DSCAM: variants seen among roughly 807,000 people sequenced by gnomAD.
DSCAM encodes the protein DS cell adhesion molecule.
Under a neutral mutation model 217.7 loss-of-function variants are expected in DSCAM, and 47 were observed. The observed-to-expected ratio is 0.22, with a 90% CI of 0.17 to 0.28. The LOEUF is 0.28. DSCAM is among the 10% of genes least tolerant of loss of function. The pLI is 1.00. For synonymous variants in DSCAM, 1,056 were observed against 1,015.3 expected (o/e 1.04, Z -0.76); for missense variants, 2,080 against 2,618.3 (o/e 0.79, Z 4.49).
chr21:40,752,445 G>A (rs747716771), intron 1 of DSCAM, among the ~76,000 whole-genome samples: 62 of 152,162 alleles, frequency 4.1e-4, no homozygotes, highest in Non-Finnish European at 7.1e-4. Flanking sequence ...ACTGACCTGT[G>A]TCTCCACTAA....
chr21:40,754,508 C>T (rs1390247853), intron 1 of DSCAM, among the ~76,000 whole-genome samples: 2 of 152,190 alleles, frequency 1.3e-5, no homozygotes, highest in African/African-American at 4.8e-5. Flanking sequence ...GCAGCTTCAT[C>T]TCTTGGAGAC....
chr21:40,222,425 T>G (rs546933440), intron 11 of DSCAM, among the ~76,000 whole-genome samples: 2 of 152,342 alleles, frequency 1.3e-5, no homozygotes, highest in East Asian at 3.9e-4. Context: ...TGGTTCTGCA[T>G]GGGAATTAAT....
intron 3 of DSCAM, among the ~76,000 whole-genome samples, chr21:40,687,045 C>A (rs562584284): frequency 6.6e-6 from 1 of 152,086 alleles, no homozygotes; most frequent in Non-Finnish European, 1.5e-5. Flanking sequence ...CTGATGTGCA[C>A]GTTCTGAGCT....
rs142522668 is a variant in DSCAM at position 40,339,019 on chromosome 21, C to G, written c.1507+100G>C. The G allele has an allele frequency of 1.2e-3, 1,650 of 1,426,814 alleles. 4 individuals are homozygous for G. The highest frequency in any genetic ancestry group is 1.3e-3 in the Non-Finnish European group (1,383 of 1,045,072). 88.4% of individuals were successfully genotyped at this position (1,426,814 alleles called of 1,614,324 possible). The stretch of plus-strand genomic sequence containing the variant: ...AGGAAATGGGAAGCAACAGTTAATC[C>G]GCTCTGGCATTCCAAGACCCAGCTC... On this transcript the variant is annotated intron_variant, in intron 7 of 32. Transcript: ENST00000400454.
chr21:40,789,153 C>T (rs985834355), intron 1 of DSCAM, among the ~76,000 whole-genome samples: 5 of 151,422 alleles, frequency 3.3e-5, no homozygotes, highest in African/African-American at 1.2e-4. Context: ...GGAAGGGTGC[C>T]GATAGAGCAG....
At chr21:40,339,993 T>C (rs2074473963) in intron 6 of DSCAM, among the ~76,000 whole-genome samples, 1 of 152,224 alleles carries the variant, frequency 6.6e-6, no homozygotes, top group Non-Finnish European at 1.5e-5. Flanking sequence ...TTAATAACTT[T>C]AATTACAAAT....
intron 3 of DSCAM, among the ~76,000 whole-genome samples, chr21:40,654,948 G>C (rs961411071): frequency 6.6e-6 from 1 of 152,116 alleles, no homozygotes; most frequent in Non-Finnish European, 1.5e-5. Flanking sequence ...TTTCCACCAG[G>C]GGTTAAGGAT....
At chr21:40,800,124 C>A (rs989088368) in intron 1 of DSCAM, among the ~76,000 whole-genome samples, 2 of 152,208 alleles carry the variant, frequency 1.3e-5, no homozygotes, top group African/African-American at 4.8e-5. Flanking sequence ...TTCCCTGCAC[C>A]ACCTCAGGAC....
At chr21:40,111,733 A>C (rs1399880517) in intron 20 of DSCAM, among the ~76,000 whole-genome samples, 3 of 152,200 alleles carry the variant, frequency 2.0e-5, no homozygotes, top group Admixed American at 6.5e-5. Flanking sequence ...CTACCAAGCA[A>C]ATAGAAAACA....
chr21:40,167,420 C>T (rs2090609636), intron 15 of DSCAM, 132 bp from the exon 16 acceptor site: 1 of 705,734 alleles, frequency 1.4e-6, no homozygotes, highest in Admixed American at 2.7e-5. Context: ...TTTTAGCGGT[C>T]ATGGGAAATG....
intron 11 of DSCAM, among the ~76,000 whole-genome samples, chr21:40,196,589 T>C (rs2146846490): frequency 6.6e-6 from 1 of 150,488 alleles, no homozygotes; most frequent in Admixed American, 6.6e-5. Context: ...CCTTTTTTCT[T>C]TATTTCTTTC....
intron 18 of DSCAM, among the ~76,000 whole-genome samples, chr21:40,136,417 G>A (rs2090209745): frequency 6.6e-6 from 1 of 152,124 alleles, no homozygotes; most frequent in South Asian, 2.1e-4. Context: ...GGAACTGGAG[G>A]CTGCAGTGAG....
intron 14 of DSCAM, among the ~76,000 whole-genome samples, chr21:40,185,143 T>C (rs767282408): frequency 3.9e-5 from 6 of 152,100 alleles, no homozygotes; most frequent in African/African-American, 9.7e-5. Context: ...TCAGTAATCA[T>C]AGAGATACAT....
chr21:40,511,288 AG>A lies in DSCAM; in HGVS notation c.509-142044del, dbSNP rs751456209. Among the ~76,000 whole-genome samples the A allele has an allele frequency of 7.2e-5, 11 of 152,274 alleles. No individual in the cohort carries two copies. In the East Asian group the frequency reaches 1.5e-3, roughly 21 times the overall value. ...ATTTTGCCACAGCCCTCAAGTTAAC[AG>A]GGCTGATAAAAAGTGACATTAAAAA... On this transcript the variant is annotated intron_variant, in intron 3 of 32. Coordinates refer to ENST00000400454, the MANE Select transcript of DSCAM (RefSeq NM_001389.5).
intron 3 of DSCAM, among the ~76,000 whole-genome samples, chr21:40,578,613 T>G (rs1208397817): frequency 6.6e-6 from 1 of 152,226 alleles, no homozygotes; most frequent in Non-Finnish European, 1.5e-5. Flanking sequence ...CCTTTTGCAC[T>G]GTGGTACCTT....
chr21:40,607,757 T>C (rs1184896874), intron 3 of DSCAM, among the ~76,000 whole-genome samples: 1 of 152,156 alleles, frequency 6.6e-6, no homozygotes, highest in Non-Finnish European at 1.5e-5. Flanking sequence ...CTGCCATGAG[T>C]GTGAGGCCTC....
At chr21:40,103,693 C>T (rs1466982054) in intron 20 of DSCAM, among the ~76,000 whole-genome samples, 3 of 151,066 alleles carry the variant, frequency 2.0e-5, no homozygotes, top group Non-Finnish European at 4.4e-5. Flanking sequence ...ACATATATGA[C>T]TATATATATG....
Position 40,144,705 on chromosome 21 carries a change from C to T in DSCAM, c.3045G>A (p.Gly1015=). 6.2e-7 allele frequency: 1 copy of T among 1,614,164 alleles called. No homozygotes were observed. Among genetic ancestry groups the T allele is most frequent in the South Asian group, 1.1e-5 (1 of 91,082 alleles). The change falls in exon 17 of 33, where the codon GGG becomes GGA. Residue 1015 remains glycine (G), a synonymous_variant. Coordinates refer to ENST00000400454, the MANE Select transcript of DSCAM (RefSeq NM_001389.5). The surrounding 1 kb of genome is among the most constrained non-coding windows in gnomAD (Gnocchi z 4.8). ...AACCTATTTGGTAGCCACGGATAAT[C>T]CCATTTTGCAAATGTTTCTTGGGAG... The part of the protein sequence containing the change: ...WKAPKKHLQN[G]IIRGYQIGYR...
intron 19 of DSCAM, among the ~76,000 whole-genome samples, chr21:40,125,306 G>A (rs949601554): frequency 1.3e-5 from 2 of 152,162 alleles, no homozygotes; most frequent in African/African-American, 4.8e-5. Context: ...AGGTGAGGGC[G>A]GGTGAGATGG....
Sources: gnomAD v4.1 joint callset for allele counts (sites outside exome capture counted in the v4.1 genomes callset) on GRCh38, gnomAD v4.1.1 for gene constraint, Gnocchi (gnomAD v3.1) non-coding constraint, MANE v1.5 for transcripts, NCBI Gene and HGNC (gene_info 2026-07-23, HGNC 2026-07-21) for gene names.